The following SUGCT variants were observed in gnomAD, a reference collection of about 807,000 sequenced individuals.
SUGCT encodes succinyl-CoA:glutarate CoA-transferase.
In SUGCT, 41 loss-of-function variants were observed where a neutral mutation model predicts 55.0. The observed-to-expected ratio is 0.74, with a 90% CI of 0.58 to 0.97. The LOEUF is 0.97. Among genes scored for constraint, SUGCT ranks in the 50% least tolerant of loss-of-function variants. SUGCT has a pLI of 0.00. For synonymous variants in SUGCT, 187 were observed against 200.4 expected (o/e 0.93, Z 0.56); for missense variants, 568 against 547.8 (o/e 1.04, Z -0.37).
intron 13 of SUGCT, among the ~76,000 whole-genome samples, chr7:40,857,974 C>A (rs1794273098): frequency 6.6e-6 from 1 of 152,080 alleles, no homozygotes. Flanking sequence ...CTAACTCTAT[C>A]ATTTTCTAGC....
At chr7:40,270,925 A>G (rs983556297) in intron 7 of SUGCT, among the ~76,000 whole-genome samples, 21 of 152,050 alleles carry the variant, frequency 1.4e-4, no homozygotes, top group Non-Finnish European at 2.5e-4. Context: ...TGTTAAATTT[A>G]TTTCTAAGTA....
intron 12 of SUGCT, among the ~76,000 whole-genome samples, chr7:40,663,941 A>G (rs73310253): frequency 0.054 from 8,284 of 152,210 alleles, 712 homozygotes; most frequent in African/African-American, 0.19. Context: ...AACTCTTTAC[A>G]GGGGTAATCA....
intron 13 of SUGCT, among the ~76,000 whole-genome samples, chr7:40,831,787 A>G (rs73689859): frequency 0.012 from 1,781 of 152,292 alleles, 29 homozygotes; most frequent in African/African-American, 0.041. Flanking sequence ...TATTCACCCC[A>G]ACCCCAGCCT....
At position 40,343,400 on chromosome 7, in the gene SUGCT, C is replaced by T. The variant is rs186860012; in HGVS notation, c.816+26545C>T. Among the ~76,000 whole-genome samples, 382 of 152,196 alleles carry T rather than the reference C, an allele frequency of 2.5e-3. 1 individual carries two copies. The highest frequency in any genetic ancestry group is 8.3e-3 in the African/African-American group (343 of 41,518). On this transcript the variant is annotated intron_variant, in intron 9 of 13. Transcript: ENST00000335693. ...AAATTAATCAGACTTGGAACTTGAACGCAGGTCTTTGTAAGGCTGAGGAAA... is the reference window on the plus strand; with the variant it reads ...AAATTAATCAGACTTGGAACTTGAATGCAGGTCTTTGTAAGGCTGAGGAAA...
chr7:40,971,520 G>A, the SUGCT span, among the ~76,000 whole-genome samples: 2 of 152,188 alleles, frequency 1.3e-5, no homozygotes, highest in African/African-American at 4.8e-5. Context: ...AGATTTAAAA[G>A]GGGTTTATGC....
intron 12 of SUGCT, among the ~76,000 whole-genome samples, chr7:40,683,275 C>T (rs1784330469): frequency 6.6e-6 from 1 of 152,250 alleles, no homozygotes; most frequent in African/African-American, 2.4e-5. Context: ...TGAAGGACAA[C>T]ATCTTTTGTT....
At chr7:40,530,247 G>A (rs752327134) in intron 12 of SUGCT, among the ~76,000 whole-genome samples, 75 of 152,166 alleles carry the variant, frequency 4.9e-4, no homozygotes, top group Non-Finnish European at 9.0e-4. Context: ...ATAGCAAGTT[G>A]AGTGTAGTTT....
At chr7:40,602,948 C>T (rs1798362314) in intron 12 of SUGCT, among the ~76,000 whole-genome samples, 3 of 152,114 alleles carry the variant, frequency 2.0e-5, no homozygotes, top group South Asian at 4.1e-4. Context: ...GGCTGCTTTT[C>T]AGAACTGCAG....
chr7:40,401,877 G>A (rs1786089210), intron 9 of SUGCT, among the ~76,000 whole-genome samples: 1 of 152,254 alleles, frequency 6.6e-6, no homozygotes, highest in Middle Eastern at 3.4e-3. Context: ...TGTTTAGATA[G>A]GGGTCCTCTC....
intron 12 of SUGCT, among the ~76,000 whole-genome samples, chr7:40,706,742 C>T (rs1440148390): frequency 2.0e-5 from 3 of 152,174 alleles, no homozygotes; most frequent in East Asian, 3.8e-4. Flanking sequence ...CAGCGAGCAG[C>T]TATCTCTAGA....
chr7:40,465,102 C>T (rs961491124), intron 11 of SUGCT, among the ~76,000 whole-genome samples: 9 of 152,144 alleles, frequency 5.9e-5, no homozygotes, highest in Non-Finnish European at 1.0e-4. Flanking sequence ...TAGATAAGTT[C>T]GCCTTTTAAA....
intron 12 of SUGCT, among the ~76,000 whole-genome samples, chr7:40,548,374 G>A (rs1179852008): frequency 1.3e-5 from 2 of 151,414 alleles, no homozygotes; most frequent in Non-Finnish European, 2.9e-5. Flanking sequence ...AATTTTTAAC[G>A]GTTTTTGTAA....
chr7:40,590,299 C>T (rs924274668), intron 12 of SUGCT, among the ~76,000 whole-genome samples: 6 of 152,040 alleles, frequency 3.9e-5, no homozygotes, highest in Non-Finnish European at 8.8e-5. Flanking sequence ...CCTATATTGG[C>T]CTTGAAGTGT....
intron 12 of SUGCT, among the ~76,000 whole-genome samples, chr7:40,682,709 C>G (rs1368662372): frequency 2.6e-5 from 4 of 151,856 alleles, no homozygotes; most frequent in Non-Finnish European, 5.9e-5. Context: ...AAAACTGACT[C>G]CCTCCCATCC....
chr7:40,584,186 A>G (rs1314139685), intron 12 of SUGCT, among the ~76,000 whole-genome samples: 1 of 152,174 alleles, frequency 6.6e-6, no homozygotes, highest in Non-Finnish European at 1.5e-5. Context: ...TTGTGTGTGT[A>G]TTATTCGAGA....
downstream of SUGCT, among the ~76,000 whole-genome samples, chr7:40,863,773 G>C (rs1455985430): frequency 2.6e-5 from 4 of 151,952 alleles, no homozygotes; most frequent in African/African-American, 9.7e-5. Flanking sequence ...AATTCTTGAG[G>C]TACAACGGGC....
chr7:40,544,933 A>G lies in SUGCT; in HGVS notation c.1089+48547A>G, dbSNP rs568896619. On this transcript the variant is annotated intron_variant, in intron 12 of 13. Coordinates refer to ENST00000335693, the MANE Select transcript of SUGCT (RefSeq NM_001193313.2). ...AAACTAGTAAATATGGAAAGAGGGC[A>G]TGTACTATAATTTTATAGAATAGCT... Among the ~76,000 whole-genome samples, 4 of 152,286 alleles carry G rather than the reference A, an allele frequency of 2.6e-5. No homozygotes were observed. In the South Asian group the frequency reaches 6.2e-4, roughly 24 times the overall value.
At chr7:40,700,571 A>G (rs901535688) in intron 12 of SUGCT, among the ~76,000 whole-genome samples, 3 of 152,234 alleles carry the variant, frequency 2.0e-5, no homozygotes, top group Non-Finnish European at 4.4e-5. Context: ...GTTGTGACTG[A>G]AAATTGACAA....
intron 9 of SUGCT, among the ~76,000 whole-genome samples, chr7:40,444,200 A>G (rs1788681514): frequency 6.6e-6 from 1 of 152,322 alleles, no homozygotes; most frequent in South Asian, 2.1e-4. Flanking sequence ...TATCTTGGCA[A>G]TGCGGGCTCT....
Sources: gnomAD v4.1 joint callset for allele counts (sites outside exome capture counted in the v4.1 genomes callset) on GRCh38, gnomAD v4.1.1 for gene constraint, MANE v1.5 for transcripts, NCBI Gene and HGNC (gene_info 2026-07-23, HGNC 2026-07-21) for gene names.